Variants in ACO1 observed in about 807,000 individuals in gnomAD.
ACO1 encodes aconitase 1, also known as cytoplasmic aconitate hydratase.
Under a neutral mutation model 105.1 loss-of-function variants are expected in ACO1, and 78 were observed. That is an observed-to-expected ratio of 0.74 (90% CI 0.62 to 0.90). ACO1 has a LOEUF of 0.90. ACO1 is among the 40% of genes least tolerant of loss of function. ACO1 has a pLI of 0.00. For synonymous variants in ACO1, 364 were observed against 397.4 expected, an observed-to-expected ratio of 0.92 and a Z score of 1.00; for missense variants, 965 against 1,111.1, an observed-to-expected ratio of 0.87 and a Z score of 1.87.
At chr9:32,436,058 T>C in intron 17 of ACO1, 192 bp from the exon 18 acceptor site, 3 of 736,588 alleles carry the variant, frequency 4.1e-6, no homozygotes, top group Non-Finnish European at 7.2e-6. Context: ...CACCACCCCT[T>C]CTCACCTCTC....
intron 8 of ACO1, among the ~76,000 whole-genome samples, chr9:32,421,447 T>G (rs1821973097): frequency 6.6e-6 from 1 of 152,180 alleles, no homozygotes; most frequent in African/African-American, 2.4e-5. Context: ...AGCAGAGAAG[T>G]GTTCATACCC....
rs148998632 is a variant in ACO1 at position 32,412,870 on chromosome 9, T to A, written c.404+4219T>A. ...TCTTGGAGTCTTTCATTAATGTTGATGGGTTTACCTTCATTTTGCTTGCCT... is the reference window on the plus strand; with the variant it reads ...TCTTGGAGTCTTTCATTAATGTTGAAGGGTTTACCTTCATTTTGCTTGCCT... On this transcript the variant is annotated intron_variant, in intron 4 of 20. Coordinates refer to ENST00000309951, the MANE Select transcript of ACO1 (RefSeq NM_002197.3). Among the ~76,000 whole-genome samples the A allele has an allele frequency of 4.9e-3, 750 of 152,328 alleles. 4 individuals are homozygous for A. Among genetic ancestry groups the A allele is most frequent in the Middle Eastern group, 0.014 (4 of 294 alleles).
At chr9:32,408,722 T>A in intron 4 of ACO1, 71 bp downstream of exon 4, 2 of 1,510,168 alleles carry the variant, frequency 1.3e-6, no homozygotes, top group African/African-American at 2.8e-5. Context: ...CTTTTTAAAA[T>A]GTGTATATGT....
chr9:32,430,764 G>T (rs1361240780), intron 14 of ACO1, among the ~76,000 whole-genome samples, 190 bp downstream of exon 14: 2 of 152,186 alleles, frequency 1.3e-5, no homozygotes, highest in East Asian at 3.8e-4. Context: ...AATCTACTGA[G>T]GGTAAAGGAT....
intron 11 of ACO1, 35 bp downstream of exon 11, chr9:32,426,032 A>G (rs754192532): frequency 2.5e-5 from 40 of 1,604,214 alleles, no homozygotes; most frequent in South Asian, 2.5e-4. Flanking sequence ...ATGGTCATAC[A>G]TGTGTGTAGG....
At chr9:32,428,987 T>C (rs1414532523) in intron 12 of ACO1, among the ~76,000 whole-genome samples, 2 of 152,246 alleles carry the variant, frequency 1.3e-5, no homozygotes, top group Admixed American at 6.5e-5. Flanking sequence ...TTTGGGTATA[T>C]GTGGTCTATC....
At chr9:32,430,035 G>T (rs1250752886) in intron 13 of ACO1, among the ~76,000 whole-genome samples, 7 of 152,226 alleles carry the variant, frequency 4.6e-5, no homozygotes, top group Non-Finnish European at 1.0e-4. Context: ...AACCTTGAAA[G>T]ATATTATTTG....
At chr9:32,401,612 A>G (rs6476361) in intron 1 of ACO1, among the ~76,000 whole-genome samples, 94,470 of 152,042 alleles carry the variant, frequency 0.62, 29,692 homozygotes, top group Middle Eastern at 0.69. Flanking sequence ...CATGCTATGT[A>G]TGCACAAAAG....
intron 18 of ACO1, 143 bp from the exon 19 acceptor site, chr9:32,440,317 CAAGAT>C: frequency 1.3e-6 from 1 of 743,904 alleles, no homozygotes; most frequent in East Asian, 2.8e-5. Flanking sequence ...GTAAAAAGAT[CAAGAT>C]AATTGGGAAT....
intron 19 of ACO1, among the ~76,000 whole-genome samples, chr9:32,442,639 T>C (rs1822507856): frequency 6.6e-6 from 1 of 152,236 alleles, no homozygotes. Context: ...ACTTTATCTG[T>C]GGTATGTTCT....
intron 19 of ACO1, 48 bp downstream of exon 19, chr9:32,440,635 G>A: frequency 1.3e-6 from 2 of 1,596,588 alleles, no homozygotes; most frequent in East Asian, 2.3e-5. Context: ...TCTGAACTGG[G>A]AGGGTCCCCA....
At chr9:32,416,686 C>T (rs1245574436) in intron 4 of ACO1, among the ~76,000 whole-genome samples, 1 of 152,180 alleles carries the variant, frequency 6.6e-6, no homozygotes, top group Non-Finnish European at 1.5e-5. Context: ...ATTGCATTTT[C>T]AGCATGTAGC....
chr9:32,405,708 G>GATT, intron 2 of ACO1, 105 bp downstream of exon 2: 1 of 787,008 alleles, frequency 1.3e-6, no homozygotes, highest in Non-Finnish European at 2.0e-6. Context: ...AGCAGAGAAT[G>GATT]GGTGAATGTT....
intron 7 of ACO1, 66 bp downstream of exon 7, chr9:32,419,243 T>C: frequency 7.0e-7 from 1 of 1,437,112 alleles, no homozygotes; most frequent in South Asian, 1.6e-5. Flanking sequence ...ATGGAGGGAA[T>C]ACATAATGGA....
chr9:32,425,924 T>C lies in ACO1; in HGVS notation c.1275T>C (p.Ala425=). Residue 425 remains alanine, a synonymous_variant, in exon 11 of 21, where the codon GCT becomes GCC. Coordinates refer to ENST00000309951, the MANE Select transcript of ACO1 (RefSeq NM_002197.3). ...ATGATAACACTGAATTCACCCTTGC[T>C]CATGGTTCTGTGGTCATTGCTGCCA... ...FIYDNTEFTL[A]HGSVVIAAIT... 2 of 1,614,148 alleles carry C rather than the reference T, an allele frequency of 1.2e-6. No individual in the cohort carries two copies. Among genetic ancestry groups the C allele is most frequent in the South Asian group, 1.1e-5 (1 of 91,082 alleles).
chr9:32,428,027 T>C (rs1822138353), intron 12 of ACO1, among the ~76,000 whole-genome samples: 3 of 151,832 alleles, frequency 2.0e-5, no homozygotes, highest in Admixed American at 2.0e-4. Flanking sequence ...GTAATATCAG[T>C]GCTTTGGGAG....
chr9:32,421,743 C>T (rs1821980793), intron 8 of ACO1, among the ~76,000 whole-genome samples: 1 of 151,840 alleles, frequency 6.6e-6, no homozygotes, highest in African/African-American at 2.4e-5. Context: ...AACAGAGAGA[C>T]TGTCTCAAAA....
intron 18 of ACO1, among the ~76,000 whole-genome samples, chr9:32,437,605 C>T (rs1345000417): frequency 6.6e-6 from 1 of 152,200 alleles, no homozygotes; most frequent in Non-Finnish European, 1.5e-5. Context: ...ACAAGCCCTG[C>T]ATGACATAGA....
intron 10 of ACO1, 26 bp downstream of exon 10, chr9:32,424,691 A>T: frequency 2.7e-6 from 4 of 1,499,242 alleles, no homozygotes; most frequent in Non-Finnish European, 9.3e-7. Context: ...AAGAGGTTGA[A>T]TCCTCTCAAC....
Sources: allele counts gnomAD v4.1 joint callset (sites outside exome capture counted in the v4.1 genomes callset), GRCh38; gene constraint gnomAD v4.1.1; transcripts MANE v1.5; gene names NCBI Gene and HGNC (gene_info 2026-07-23, HGNC 2026-07-21).